The following ZFHX3 variants were observed in gnomAD, a reference collection of about 807,000 sequenced individuals.
ZFHX3 encodes the protein zinc finger homeobox protein 3.
A neutral mutation model predicts 279.1 loss-of-function variants in ZFHX3; 42 were observed. The observed-to-expected ratio is 0.15, with a 90% CI of 0.12 to 0.19. The LOEUF (loss-of-function observed/expected upper bound fraction) is 0.19, where lower values mean the gene tolerates loss of function less well. Ranked by LOEUF, ZFHX3 falls within the 10% of genes least tolerant of loss-of-function variation. ZFHX3 has a pLI of 1.00. For missense variants in ZFHX3, 4,981 were observed against 4,754.0 expected (o/e 1.05, Z -1.40); for synonymous variants, 2,293 against 1,957.8 (o/e 1.17, Z -4.52).
intron 3 of ZFHX3, among the ~76,000 whole-genome samples, chr16:73,403,686 G>C (rs1156886991): frequency 3.3e-5 from 5 of 152,190 alleles, no homozygotes; most frequent in Non-Finnish European, 7.3e-5. Flanking sequence ...GGAGGGAGCT[G>C]AGCACTGAAA....
intron 4 of ZFHX3, among the ~76,000 whole-genome samples, chr16:73,288,460 C>A (rs1362288278): frequency 6.6e-6 from 1 of 152,170 alleles, no homozygotes; most frequent in Non-Finnish European, 1.5e-5. Context: ...CCTGCCCCTG[C>A]ACTGATAGCT....
intron 4 of ZFHX3, among the ~76,000 whole-genome samples, chr16:73,315,892 A>C (rs909521744): frequency 3.9e-5 from 6 of 152,186 alleles, no homozygotes; most frequent in African/African-American, 1.4e-4. Flanking sequence ...GTTGCAAGGA[A>C]GAAGGTGTTG....
chr16:73,290,080 A>G (rs973289958), intron 4 of ZFHX3, among the ~76,000 whole-genome samples: 4 of 152,050 alleles, frequency 2.6e-5, no homozygotes, highest in Non-Finnish European at 5.9e-5. Flanking sequence ...AACTAAGAAC[A>G]TAAGCTCATT....
Position 72,787,878 on chromosome 16 carries a change from G to C in ZFHX3, c.10398C>G (p.Val3466=), listed in dbSNP as rs1359356304. 1 of 1,613,878 alleles carries C rather than the reference G, an allele frequency of 6.2e-7. No individual in the cohort carries two copies. The highest frequency in any genetic ancestry group is 1.7e-5 in the Admixed American group (1 of 60,006). Residue 3466 remains valine, a synonymous_variant, in exon 10 of 10, where the codon GTC becomes GTG. Coordinates refer to ENST00000268489, the MANE Select transcript of ZFHX3 (RefSeq NM_006885.4). ...FIVPKVQYKL[V]CRKCQAGFSD... ...TGAAGCCCGCCTGGCACTTGCGGCAGACCAACTTGTACTGCACCTTTGGAA... is the reference window on the plus strand; with the variant it reads ...TGAAGCCCGCCTGGCACTTGCGGCACACCAACTTGTACTGCACCTTTGGAA...
chr16:72,963,673 T>C (rs1961694167), intron 1 of ZFHX3, among the ~76,000 whole-genome samples: 1 of 152,212 alleles, frequency 6.6e-6, no homozygotes, highest in Non-Finnish European at 1.5e-5. Context: ...TGTATCTCCC[T>C]ATTAATCAAA....
At chr16:73,494,429 C>A (rs1026707281) in intron 2 of ZFHX3, among the ~76,000 whole-genome samples, 7 of 152,108 alleles carry the variant, frequency 4.6e-5, no homozygotes, top group African/African-American at 1.4e-4. Context: ...AATCAATTTG[C>A]CTCTTCCATT....
At chr16:73,251,239 A>G (rs2013477440) in intron 5 of ZFHX3, among the ~76,000 whole-genome samples, 2 of 152,194 alleles carry the variant, frequency 1.3e-5, no homozygotes, top group Non-Finnish European at 1.5e-5. Flanking sequence ...TGAGGGTACT[A>G]TGGGTACTAA....
At chr16:73,878,628 TTTTTTC>T (rs1309461617) in intron 1 of ZFHX3, among the ~76,000 whole-genome samples, 2 of 152,122 alleles carry the variant, frequency 1.3e-5, no homozygotes, top group Non-Finnish European at 2.9e-5. Flanking sequence ...CTGTTTCTTT[TTTTTTC>T]TTTTTCTTAA....
At chr16:72,942,779 T>C (rs933170628) in intron 3 of ZFHX3, among the ~76,000 whole-genome samples, 3 of 152,202 alleles carry the variant, frequency 2.0e-5, no homozygotes, top group African/African-American at 7.2e-5. Context: ...ACAGTCTCCA[T>C]TAAGGTGCCC....
chr16:72,918,308 C>T (rs912575815), intron 3 of ZFHX3, among the ~76,000 whole-genome samples: 4 of 151,986 alleles, frequency 2.6e-5, no homozygotes, highest in Admixed American at 6.6e-5. Context: ...AGGATGGGGA[C>T]GGTACATACA....
upstream of ZFHX3, among the ~76,000 whole-genome samples, chr16:73,048,837 G>A (rs1378217891): frequency 6.6e-6 from 1 of 152,182 alleles, no homozygotes; most frequent in East Asian, 1.9e-4. Flanking sequence ...TAGTTTTTGA[G>A]GCCAGAGAAA....
chr16:72,994,094 T>G (rs1775121107), intron 1 of ZFHX3, among the ~76,000 whole-genome samples: 2 of 152,182 alleles, frequency 1.3e-5, no homozygotes, highest in South Asian at 4.1e-4. Context: ...CCCTATCACT[T>G]AATCATTTTT....
At chr16:73,403,086 G>A (rs2017290044) in intron 3 of ZFHX3, among the ~76,000 whole-genome samples, 2 of 152,170 alleles carry the variant, frequency 1.3e-5, no homozygotes, top group African/African-American at 4.8e-5. Context: ...GCATGTGTGT[G>A]CACGTGTGGG....
rs576838143 is a variant in ZFHX3 at position 72,875,605 on chromosome 16, C to T, written c.3448+14126G>A. ...CTTCTCCTTGATGAACAAACCATTC[C>T]GCCCATAAAAATGCTGTGGAAAGTA... is the stretch of plus-strand genomic sequence containing the variant. On this transcript the variant is annotated intron_variant, in intron 4 of 9. Coordinates refer to ENST00000268489, the MANE Select transcript of ZFHX3 (RefSeq NM_006885.4). Among the ~76,000 whole-genome samples, 14 of 152,288 alleles carry T rather than the reference C, an allele frequency of 9.2e-5. No homozygotes were observed. The Middle Eastern group carries it at 0.01, about 111-fold the overall frequency.
intron 5 of ZFHX3, among the ~76,000 whole-genome samples, chr16:73,164,098 C>A (rs1001641433): frequency 3.9e-5 from 6 of 152,162 alleles, no homozygotes; most frequent in Non-Finnish European, 7.4e-5. Context: ...CACAGGAGAA[C>A]TTGGCAATTT....
intron 1 of ZFHX3, among the ~76,000 whole-genome samples, chr16:72,987,346 T>C (rs552396324): frequency 3.0e-4 from 46 of 152,328 alleles, no homozygotes; most frequent in African/African-American, 1.0e-3. Flanking sequence ...CTTTGAGAGC[T>C]GACAGGCCAA....
Position 73,364,336 on chromosome 16 carries a change from T to C in ZFHX3, c.-1290-46000A>G, listed in dbSNP as rs78220020. Among the ~76,000 whole-genome samples, 9 of 149,798 alleles carry C rather than the reference T, an allele frequency of 6.0e-5. 1 individual carries two copies. In the South Asian group the frequency reaches 1.9e-3, roughly 31 times the overall value. Reference sequence around the variant, plus strand: ...CTGTTTATTTACATTTTATAATAAATTCAATAATAATAGTAATATTACTAT... The same window carrying C: ...CTGTTTATTTACATTTTATAATAAACTCAATAATAATAGTAATATTACTAT... On this transcript the variant is annotated intron_variant, in intron 3 of 17. Transcript: ENST00000641206.
chr16:72,935,246 T>G (rs1960054888), intron 3 of ZFHX3, among the ~76,000 whole-genome samples: 1 of 152,076 alleles, frequency 6.6e-6, no homozygotes, highest in African/African-American at 2.4e-5. Flanking sequence ...GGTCAGAGCT[T>G]CTCTCACTGG....
intron 4 of ZFHX3, among the ~76,000 whole-genome samples, chr16:72,835,629 T>C (rs1275428477): frequency 6.6e-6 from 1 of 151,890 alleles, no homozygotes; most frequent in Non-Finnish European, 1.5e-5. Context: ...AAAGGCGGGG[T>C]ACACTCTGAC....
Sources: gnomAD v4.1 joint callset for allele counts (sites outside exome capture counted in the v4.1 genomes callset) on GRCh38, gnomAD v4.1.1 for gene constraint, MANE v1.5 for transcripts, NCBI Gene and HGNC (gene_info 2026-07-23, HGNC 2026-07-21) for gene names.